The following RBPMS variants were observed in gnomAD, a reference collection of about 807,000 sequenced individuals.
RBPMS encodes RNA binding protein, mRNA processing factor, also known as RNA-binding protein with multiple splicing.
In RBPMS, 7 loss-of-function variants were observed where a neutral mutation model predicts 26.8. The observed-to-expected ratio is 0.26, with a 90% CI of 0.15 to 0.49. The LOEUF is 0.49. RBPMS is among the 20% of genes least tolerant of loss of function. The pLI is 0.98. For missense variants in RBPMS, 186 were observed against 250.0 expected (o/e 0.74, Z 1.73); for synonymous variants, 96 against 93.3 (o/e 1.03, Z -0.17).
chr8:30,520,401 C>T (rs763269528), intron 5 of RBPMS, among the ~76,000 whole-genome samples: 6 of 151,976 alleles, frequency 3.9e-5, no homozygotes, highest in Non-Finnish European at 8.8e-5. Context: ...ATCGTGAACT[C>T]GTGTTTTTTA....
rs184383266 is a variant in RBPMS, at chr8:30,533,551, G to A, written c.398-10943G>A. ...GGTTTTTCTTGTTTCACAGTAATTGGCAGTAAAAGACTTTTCATATTCAAG... is the reference window on the plus strand; with the variant it reads ...GGTTTTTCTTGTTTCACAGTAATTGACAGTAAAAGACTTTTCATATTCAAG... On this transcript the variant is annotated intron_variant, in intron 5 of 8. Transcript: ENST00000397323. 2.0e-5 allele frequency among the ~76,000 whole-genome samples: 3 copies of A among 152,258 alleles called. No homozygotes were observed. The East Asian group carries it at 5.8e-4, about 29-fold the overall frequency.
chr8:30,452,597 T>G (rs1426381321), intron 1 of RBPMS, among the ~76,000 whole-genome samples: 1 of 152,196 alleles, frequency 6.6e-6, no homozygotes, highest in African/African-American at 2.4e-5. Flanking sequence ...TCATTTCTTT[T>G]GTGTGGTTCA....
rs931420266 is a variant in RBPMS, at chr8:30,521,459, A to G, written c.397+17023A>G. Among the ~76,000 whole-genome samples the G allele has an allele frequency of 5.3e-5, 8 of 152,214 alleles. 1 individual carries two copies. The highest frequency in any genetic ancestry group is 8.8e-5 in the Non-Finnish European group (6 of 68,026). On this transcript the variant is annotated intron_variant, in intron 5 of 8. Transcript: ENST00000397323. ...TAGTTGACTTTTTCGTTGTACGTTT[A>G]TGAAGAATAGATGAACTTTGTCAAC...
intron 1 of RBPMS, among the ~76,000 whole-genome samples, chr8:30,392,833 G>T (rs190271968): frequency 1.1e-4 from 17 of 152,332 alleles, no homozygotes; most frequent in Admixed American, 3.3e-4. Flanking sequence ...GGTAAGAAAA[G>T]AAGGTACCTA....
chr8:30,549,517 T>G (rs149922644), intron 6 of RBPMS: 15 of 1,613,956 alleles, frequency 9.3e-6, no homozygotes, highest in Non-Finnish European at 4.2e-6. Context: ...AAGGTCAGAC[T>G]GTGAGGAGAA....
At chr8:30,430,918 A>G (rs1157316374) in intron 1 of RBPMS, among the ~76,000 whole-genome samples, 1 of 152,234 alleles carries the variant, frequency 6.6e-6, no homozygotes, top group African/African-American at 2.4e-5. Context: ...CGAATAAAAC[A>G]AGGCCTTCTT....
chr8:30,551,696 A>G (rs1385643318), intron 6 of RBPMS, among the ~76,000 whole-genome samples: 1 of 152,190 alleles, frequency 6.6e-6, no homozygotes, highest in Non-Finnish European at 1.5e-5. Flanking sequence ...GGGATTAACA[A>G]CCGCGTGGCC....
chr8:30,385,781 C>G (rs1405555862), intron 1 of RBPMS, among the ~76,000 whole-genome samples: 5 of 152,130 alleles, frequency 3.3e-5, no homozygotes, highest in Non-Finnish European at 7.4e-5. Flanking sequence ...GGGTTAAAAA[C>G]GCAGCAATTC....
intron 1 of RBPMS, among the ~76,000 whole-genome samples, chr8:30,449,595 TC>T (rs765589210): frequency 6.6e-6 from 1 of 152,216 alleles, no homozygotes; most frequent in Non-Finnish European, 1.5e-5. Context: ...TGTCTCAAAC[TC>T]CTGACCTCAG....
At chr8:30,477,717 C>A in intron 2 of RBPMS, 82 bp from the exon 3 acceptor site, 4 of 953,910 alleles carry the variant, frequency 4.2e-6, no homozygotes, top group South Asian at 2.8e-5. Flanking sequence ...GTTAGGTAAT[C>A]AATAAAGAAC....
At chr8:30,427,979 A>G (rs1811536012) in intron 1 of RBPMS, among the ~76,000 whole-genome samples, 1 of 151,126 alleles carries the variant, frequency 6.6e-6, no homozygotes, top group East Asian at 1.9e-4. Flanking sequence ...ACTTGAAGCC[A>G]GAAGTTTGAG....
intron 4 of RBPMS, among the ~76,000 whole-genome samples, chr8:30,496,173 C>T (rs79028789): frequency 1.4e-5 from 2 of 144,892 alleles, no homozygotes; most frequent in African/African-American, 2.6e-5. Flanking sequence ...TTGCGCATTT[C>T]TTTTTTTTTT....
intron 5 of RBPMS, among the ~76,000 whole-genome samples, chr8:30,522,881 T>C (rs1823206716): frequency 6.6e-6 from 1 of 152,232 alleles, no homozygotes; most frequent in African/African-American, 2.4e-5. Context: ...AATGGTATTT[T>C]CCAGTTATTT....
intron 1 of RBPMS, chr8:30,442,610 T>A (rs529909497): frequency 1.3e-5 from 2 of 152,494 alleles, no homozygotes; most frequent in South Asian, 2.1e-4. Context: ...GGGATCCGCA[T>A]CTCTTCGTTT....
rs1204152198 is a variant in RBPMS at position 30,449,455 on chromosome 8, T to C, written c.67-25324T>C. Among the ~76,000 whole-genome samples, 5 of 149,112 alleles carry C rather than the reference T, an allele frequency of 3.4e-5. No homozygotes were observed. In the South Asian group the frequency reaches 6.5e-4, roughly 19 times the overall value. ...GCACGATTTCAGCTCACTGCAACCTTCACCTCCTGGTTCAAGCAATTCCCC... is the reference window on the plus strand; with the variant it reads ...GCACGATTTCAGCTCACTGCAACCTCCACCTCCTGGTTCAAGCAATTCCCC... On this transcript the variant is annotated intron_variant, in intron 1 of 8. Coordinates refer to ENST00000397323, the MANE Select transcript of RBPMS (RefSeq NM_001008710.3).
At chr8:30,434,805 A>G (rs1035585752) in intron 1 of RBPMS, among the ~76,000 whole-genome samples, 3 of 150,356 alleles carry the variant, frequency 2.0e-5, no homozygotes, top group Non-Finnish European at 4.4e-5. Context: ...ACACACATTT[A>G]GTTCTCAAGA....
chr8:30,544,134 G>A (rs1825663811), intron 5 of RBPMS, among the ~76,000 whole-genome samples: 1 of 152,172 alleles, frequency 6.6e-6, no homozygotes, highest in South Asian at 2.1e-4. Context: ...TCTTTCATTG[G>A]TTCTTTCTCT....
chr8:30,484,630 T>G lies in RBPMS; in HGVS notation c.246+5253T>G, dbSNP rs13439650. Among the ~76,000 whole-genome samples, 1,254 of 152,264 alleles carry G rather than the reference T, an allele frequency of 8.2e-3. 17 individuals are homozygous for G. Among genetic ancestry groups the G allele is most frequent in the African/African-American group, 0.029 (1,207 of 41,558 alleles). On this transcript the variant is annotated intron_variant, in intron 4 of 8. Transcript: ENST00000397323. ...AACTAAAAATATATAAGATATTAAA[T>G]TATTTCTTGACTATTGAAAAATTTT...
At chr8:30,450,921 A>G (rs1490025933) in intron 1 of RBPMS, among the ~76,000 whole-genome samples, 1 of 152,092 alleles carries the variant, frequency 6.6e-6, no homozygotes, top group Admixed American at 6.6e-5. Flanking sequence ...AGGCAGATAT[A>G]TATCTGGTAA....
Sources: allele counts gnomAD v4.1 joint callset (sites outside exome capture counted in the v4.1 genomes callset), GRCh38; gene constraint gnomAD v4.1.1; transcripts MANE v1.5; gene names NCBI Gene and HGNC (gene_info 2026-07-23, HGNC 2026-07-21).